FAM117B: variants seen among roughly 807,000 people sequenced by gnomAD.
FAM117B encodes the protein protein FAM117B.
In FAM117B, 22 loss-of-function variants were observed where a neutral mutation model predicts 52.8. That is an observed-to-expected ratio of 0.42 (90% CI 0.30 to 0.59). FAM117B has a LOEUF of 0.59. Ranked by LOEUF, FAM117B falls within the 20% of genes least tolerant of loss-of-function variation. The probability of loss-of-function intolerance (pLI) is 0.22; values close to 1 mark genes in which losing one functional copy is unlikely to be tolerated. For synonymous variants in FAM117B, 309 were observed against 324.1 expected, an observed-to-expected ratio of 0.95 and a Z score of 0.50; for missense variants, 678 against 802.6, an observed-to-expected ratio of 0.84 and a Z score of 1.88.
At chr2:202,684,329 A>G (rs1465227295) in intron 1 of FAM117B, among the ~76,000 whole-genome samples, 1 of 152,200 alleles carries the variant, frequency 6.6e-6, no homozygotes, top group East Asian at 1.9e-4. Context: ...TTGTATTGGC[A>G]AATTTGCCCA....
chr2:202,709,084 T>C (rs1019222105), intron 2 of FAM117B, among the ~76,000 whole-genome samples: 5 of 152,226 alleles, frequency 3.3e-5, no homozygotes, highest in African/African-American at 1.2e-4. Flanking sequence ...CTGATTTATC[T>C]TTCCCCAATG....
chr2:202,719,166 A>G (rs1275761662), intron 2 of FAM117B, among the ~76,000 whole-genome samples: 1 of 152,244 alleles, frequency 6.6e-6, no homozygotes, highest in East Asian at 1.9e-4. Flanking sequence ...TGTCTTTTAC[A>G]TTAGGCATAT....
chr2:202,693,226 A>G (rs191815050), intron 1 of FAM117B, among the ~76,000 whole-genome samples: 5 of 152,356 alleles, frequency 3.3e-5, no homozygotes, highest in Admixed American at 1.3e-4. Context: ...AAATTCAAAC[A>G]TTATAGAAAT....
intron 4 of FAM117B, 128 bp downstream of exon 4, chr2:202,726,491 G>T: frequency 3.1e-6 from 2 of 642,436 alleles, no homozygotes; most frequent in Non-Finnish European, 5.4e-6. Context: ...TTTAAATACT[G>T]AATCACAGTC....
At chr2:202,665,315 G>A (rs894301771) in intron 1 of FAM117B, among the ~76,000 whole-genome samples, 113 of 151,824 alleles carry the variant, frequency 7.4e-4, no homozygotes, top group African/African-American at 2.6e-3. Context: ...AAAGTGCTGG[G>A]GTTATAGTTG....
intron 1 of FAM117B, among the ~76,000 whole-genome samples, chr2:202,669,091 G>T (rs1011228918): frequency 2.6e-5 from 4 of 152,098 alleles, no homozygotes; most frequent in African/African-American, 9.7e-5. Flanking sequence ...TTGAAGCAGA[G>T]ATTAAATACA....
At chr2:202,649,550 A>G (rs1331439463) in intron 1 of FAM117B, among the ~76,000 whole-genome samples, 1 of 148,466 alleles carries the variant, frequency 6.7e-6, no homozygotes, top group African/African-American at 2.6e-5. Context: ...TTATTTATTT[A>G]TTTTTATTTT....
At chr2:202,760,631 G>C (rs1271840838) in intron 7 of FAM117B, among the ~76,000 whole-genome samples, 3 of 152,118 alleles carry the variant, frequency 2.0e-5, no homozygotes, top group African/African-American at 4.8e-5. Flanking sequence ...ATTGTGCTGG[G>C]CAGAATAAGG....
intron 2 of FAM117B, among the ~76,000 whole-genome samples, chr2:202,714,014 A>T (rs923963464): frequency 2.6e-5 from 4 of 152,156 alleles, no homozygotes; most frequent in African/African-American, 4.8e-5. Flanking sequence ...GCCCTCCATT[A>T]TCATTTGTTG....
intron 4 of FAM117B, among the ~76,000 whole-genome samples, chr2:202,740,359 CAAAAAAAA>C (rs769846441): frequency 3.0e-5 from 2 of 65,582 alleles, no homozygotes; most frequent in African/African-American, 1.0e-4. Flanking sequence ...GACTCTGCCT[CAAAAAAAA>C]AAAAAAAAAA....
chr2:202,744,344 G>T (rs1387140993), intron 4 of FAM117B, among the ~76,000 whole-genome samples: 2 of 152,194 alleles, frequency 1.3e-5, no homozygotes, highest in Non-Finnish European at 2.9e-5. Flanking sequence ...AGAGATAGAG[G>T]CATGGTGCCA....
chr2:202,643,934 T>A (rs1166815693), intron 1 of FAM117B, among the ~76,000 whole-genome samples: 1 of 152,126 alleles, frequency 6.6e-6, no homozygotes, highest in Non-Finnish European at 1.5e-5. Flanking sequence ...GGTCTCGAAC[T>A]CCTGGCCTCA....
intron 4 of FAM117B, among the ~76,000 whole-genome samples, chr2:202,734,975 A>G (rs1691416853): frequency 6.6e-6 from 1 of 152,190 alleles, no homozygotes; most frequent in South Asian, 2.1e-4. Context: ...GTATTTCTGT[A>G]TCTTTCTCCC....
chr2:202,691,255 A>T (rs529021530), intron 1 of FAM117B, among the ~76,000 whole-genome samples: 1 of 152,084 alleles, frequency 6.6e-6, no homozygotes, highest in Non-Finnish European at 1.5e-5. Flanking sequence ...GTCTCTACTA[A>T]AAGTATAAAA....
At position 202,766,087 on chromosome 2, in the gene FAM117B, CACACACACACACACA is replaced by C. The variant is rs1559118990; in HGVS notation, c.*324_*338del. On this transcript the variant is annotated 3_prime_UTR_variant, in exon 8 of 8. Coordinates refer to ENST00000392238, the MANE Select transcript of FAM117B (RefSeq NM_173511.4). ...ACACACACACACACACACACACACA[CACACACACACACACA>C]CACACCCCTGATCCTTGCCAACATG... 7.6e-5 allele frequency: 18 copies of C among 236,538 alleles called. No homozygotes were observed. Among genetic ancestry groups the C allele is most frequent in the African/African-American group, 3.6e-4 (16 of 44,080 alleles). 14.7% of individuals were successfully genotyped at this position (236,538 alleles called of 1,614,324 possible). A position where few individuals can be genotyped will look rare whatever the true frequency, so the allele number is the denominator to read the frequency against.
intron 4 of FAM117B, among the ~76,000 whole-genome samples, chr2:202,731,332 AAT>A (rs35255766): frequency 0.024 from 732 of 30,728 alleles, 29 homozygotes; most frequent in South Asian, 0.055. Context: ...GAGAAATTGG[AAT>A]ATATATATAT....
At chr2:202,672,699 A>G (rs1325616963) in intron 1 of FAM117B, among the ~76,000 whole-genome samples, 1 of 152,114 alleles carries the variant, frequency 6.6e-6, no homozygotes, top group African/African-American at 2.4e-5. Context: ...TTTGGTATCT[A>G]TGTATATCAT....
intron 2 of FAM117B, among the ~76,000 whole-genome samples, chr2:202,699,187 G>C (rs1690757489): frequency 6.6e-6 from 1 of 152,032 alleles, no homozygotes; most frequent in Non-Finnish European, 1.5e-5. Context: ...AGCACTTTGG[G>C]AGGCTGAGGT....
chr2:202,731,172 T>C (rs893173553), intron 4 of FAM117B, among the ~76,000 whole-genome samples: 2 of 151,616 alleles, frequency 1.3e-5, no homozygotes, highest in Non-Finnish European at 2.9e-5. Flanking sequence ...CCAAGGAAGA[T>C]GTACAAATAG....
Sources: gnomAD v4.1 joint callset for allele counts (sites outside exome capture counted in the v4.1 genomes callset) on GRCh38, gnomAD v4.1.1 for gene constraint, MANE v1.5 for transcripts, NCBI Gene and HGNC (gene_info 2026-07-23, HGNC 2026-07-21) for gene names.